Variants in SAMD5 observed in about 807,000 individuals in gnomAD.
SAMD5 encodes sterile alpha motif domain-containing protein 5.
SAMD5 carries 13 observed loss-of-function variants against 11.3 expected under a neutral mutation model. The observed-to-expected ratio is 1.15, with a 90% CI of 0.75 to 1.83. SAMD5 has a LOEUF of 1.83. SAMD5 is among the 40% of genes most tolerant of loss of function. The probability of loss-of-function intolerance (pLI) is 0.00; values close to 1 mark genes in which losing one functional copy is unlikely to be tolerated. For synonymous variants in SAMD5, 129 were observed against 111.3 expected (o/e 1.16, Z -1.00); for missense variants, 255 against 239.1 (o/e 1.07, Z -0.44).
intron 1 of SAMD5, among the ~76,000 whole-genome samples, chr6:147,614,795 A>G (rs1789841249): frequency 1.3e-5 from 2 of 151,962 alleles, no homozygotes; most frequent in Admixed American, 1.3e-4. Context: ...ATCAAGCTGC[A>G]TACTTACTTC....
chr6:147,925,330 CTT>C, the SAMD5 span, among the ~76,000 whole-genome samples: 1 of 152,154 alleles, frequency 6.6e-6, no homozygotes, highest in African/African-American at 2.4e-5. Flanking sequence ...CAGCCAGCAC[CTT>C]GATCTTGGAC....
In SAMD5 at chr6:147,646,971, C is replaced by CTAATAATAATAA. The variant is rs5880722; in HGVS notation, c.163-90312_163-90301dup. 2.5e-4 allele frequency among the ~76,000 whole-genome samples: 35 copies of CTAATAATAATAA among 138,084 alleles called. 1 individual carries two copies. The highest frequency in any genetic ancestry group is 9.0e-4 in the African/African-American group (33 of 36,618). 90.6% of individuals were successfully genotyped at this position (138,084 alleles called of 152,430 possible). A position where few individuals can be genotyped will look rare whatever the true frequency, so the allele number is the denominator to read the frequency against. ...TGGCCAACATGGTGAAACCTCATCT[C>CTAATAATAATAA]TAATAATAATAATAATAATAATAAT... is the stretch of plus-strand genomic sequence containing the variant. On this transcript the variant is annotated intron_variant, in intron 1 of 1. Coordinates refer to the SAMD5 transcript ENST00000566741.
At chr6:147,825,659 G>T in the SAMD5 span, among the ~76,000 whole-genome samples, 1 of 151,992 alleles carries the variant, frequency 6.6e-6, no homozygotes, top group Non-Finnish European at 1.5e-5. Flanking sequence ...ATTTCCTTTG[G>T]TAAGCTTGAG....
At chr6:147,556,189 C>T (rs758508021) in intron 1 of SAMD5, among the ~76,000 whole-genome samples, 3 of 151,722 alleles carry the variant, frequency 2.0e-5, no homozygotes, top group Non-Finnish European at 4.4e-5. Flanking sequence ...GCCTCTTGGG[C>T]TCATGCCATT....
chr6:147,578,796 A>C (rs1003234810), intron 1 of SAMD5, among the ~76,000 whole-genome samples: 1 of 152,208 alleles, frequency 6.6e-6, no homozygotes, highest in African/African-American at 2.4e-5. Context: ...CGAAGTAAAA[A>C]AAAAAAACCC....
chr6:147,663,010 G>T (rs773601568), intron 1 of SAMD5, among the ~76,000 whole-genome samples: 4 of 152,148 alleles, frequency 2.6e-5, no homozygotes, highest in African/African-American at 7.2e-5. Flanking sequence ...TAAAAGCAAT[G>T]ACATCTGATA....
At chr6:147,725,119 A>C (rs1791607360) in intron 1 of SAMD5, among the ~76,000 whole-genome samples, 1 of 152,206 alleles carries the variant, frequency 6.6e-6, no homozygotes, top group Non-Finnish European at 1.5e-5. Context: ...ATTTCATATA[A>C]CTAGGTTTGA....
intron 1 of SAMD5, among the ~76,000 whole-genome samples, chr6:147,629,286 T>C (rs725616): frequency 0.67 from 101,209 of 151,764 alleles, 34,098 homozygotes; most frequent in South Asian, 0.76. Context: ...ACTCCAGCCT[T>C]GGCGACAAGA....
In SAMD5 at chr6:147,588,223, T is replaced by C. The variant is rs762926111; in HGVS notation, c.162+78836T>C. Among the ~76,000 whole-genome samples the C allele has an allele frequency of 4.0e-4, 60 of 151,424 alleles. 1 individual carries two copies. Among genetic ancestry groups the C allele is most frequent in the South Asian group, 1.3e-3 (6 of 4,788 alleles). ...CAAATCTCGGTGGGAACTTGAAACATAGATGCATATCTTAATTTGTTTTCA... is the reference window on the plus strand; with the variant it reads ...CAAATCTCGGTGGGAACTTGAAACACAGATGCATATCTTAATTTGTTTTCA... On this transcript the variant is annotated intron_variant, in intron 1 of 1. Transcript: ENST00000566741.
At chr6:147,851,806 G>T in the SAMD5 span, among the ~76,000 whole-genome samples, 3 of 152,128 alleles carry the variant, frequency 2.0e-5, no homozygotes. Flanking sequence ...GGAGCAGATG[G>T]CCATCCCACA....
At chr6:147,648,936 C>T (rs1262506211) in intron 1 of SAMD5, among the ~76,000 whole-genome samples, 11 of 152,190 alleles carry the variant, frequency 7.2e-5, no homozygotes, top group Admixed American at 6.5e-4. Context: ...TTGCATTAAA[C>T]TTTAGCCATT....
the SAMD5 span, among the ~76,000 whole-genome samples, chr6:147,820,553 T>G: frequency 6.6e-6 from 1 of 152,204 alleles, no homozygotes; most frequent in South Asian, 2.1e-4. Flanking sequence ...TGTGTATGTG[T>G]GTGAAATTCA....
At chr6:147,719,006 A>G (rs959933379) in intron 1 of SAMD5, among the ~76,000 whole-genome samples, 6 of 152,196 alleles carry the variant, frequency 3.9e-5, no homozygotes, top group African/African-American at 1.2e-4. Flanking sequence ...GTCTCTTTTA[A>G]CAATGTAAAT....
the SAMD5 span, among the ~76,000 whole-genome samples, chr6:147,944,301 TCC>T: frequency 0.011 from 1,747 of 152,282 alleles, 28 homozygotes; most frequent in African/African-American, 0.04. Flanking sequence ...TTTAATGGCC[TCC>T]CACATGGCCG....
the SAMD5 span, among the ~76,000 whole-genome samples, chr6:147,928,264 A>C: frequency 8.5e-5 from 13 of 152,150 alleles, no homozygotes; most frequent in Non-Finnish European, 1.9e-4. Flanking sequence ...CATCTGGTAG[A>C]ATTCCACTGT....
the SAMD5 span, among the ~76,000 whole-genome samples, chr6:147,825,945 G>A: frequency 6.6e-6 from 1 of 152,140 alleles, no homozygotes; most frequent in African/African-American, 2.4e-5. Flanking sequence ...TCCCACCTGT[G>A]TTTCCTGCTG....
chr6:147,659,074 A>G (rs1344635313), intron 1 of SAMD5, among the ~76,000 whole-genome samples: 2 of 152,214 alleles, frequency 1.3e-5, no homozygotes, highest in African/African-American at 4.8e-5. Flanking sequence ...TACAGAAAAC[A>G]CTGCAGATTA....
At chr6:147,866,526 T>C in the SAMD5 span, among the ~76,000 whole-genome samples, 731 of 152,302 alleles carry the variant, frequency 4.8e-3, 9 homozygotes, top group African/African-American at 0.017. Context: ...TACGCCAAAA[T>C]GCCAATAAGA....
the SAMD5 span, among the ~76,000 whole-genome samples, chr6:147,941,230 G>A: frequency 6.6e-6 from 1 of 152,182 alleles, no homozygotes; most frequent in South Asian, 2.1e-4. Context: ...CGCCATCAGG[G>A]AGTGTAGGTC....
Sources: allele counts gnomAD v4.1 joint callset (sites outside exome capture counted in the v4.1 genomes callset), GRCh38; gene constraint gnomAD v4.1.1; transcripts MANE v1.5; gene names NCBI Gene and HGNC (gene_info 2026-07-23, HGNC 2026-07-21).